The following SOX5 variants were observed in gnomAD, a reference collection of about 807,000 sequenced individuals.
The protein encoded by SOX5 is SRY-box transcription factor 5, also known as transcription factor SOX-5.
In SOX5, 9 loss-of-function variants were observed where a neutral mutation model predicts 92.0. The observed-to-expected ratio is 0.10, with a 90% CI of 0.06 to 0.17. SOX5 has a LOEUF of 0.17. SOX5 is among the 10% of genes least tolerant of loss of function. The pLI, the probability that SOX5 is intolerant of heterozygous loss-of-function variation, is 1.00. For synonymous variants in SOX5, 344 were observed against 336.3 expected (o/e 1.02, Z -0.25); for missense variants, 642 against 944.5 (o/e 0.68, Z 4.20).
chr12:23,998,409 A>G (rs1951240516), intron 4 of SOX5, among the ~76,000 whole-genome samples: 1 of 152,190 alleles, frequency 6.6e-6, no homozygotes, highest in South Asian at 2.1e-4. Context: ...AAGAAAAAAG[A>G]ATGATAAGTT....
At position 24,304,531 on chromosome 12, in the gene SOX5, GAC is replaced by G. The variant is rs1171624962; in HGVS notation, c.-173-27221_-173-27220del. 5.9e-5 allele frequency among the ~76,000 whole-genome samples: 9 copies of G among 152,290 alleles called. No homozygotes were observed. In the East Asian group the frequency reaches 1.5e-3, roughly 26 times the overall value. On this transcript the variant is annotated intron_variant, in intron 2 of 4. Transcript: ENST00000446891. ...GAGCAGTTTGGCAGCTAGGTGGTCT[GAC>G]AGAGGATTGCAGCTTTGGGATAAAA...
At chr12:23,929,288 G>A (rs1236377622) in intron 1 of SOX5, among the ~76,000 whole-genome samples, 5 of 151,910 alleles carry the variant, frequency 3.3e-5, no homozygotes, top group Admixed American at 2.0e-4. Context: ...TATATTGAAC[G>A]ATGATATAAA....
chr12:24,042,437 A>C (rs1956615316), intron 4 of SOX5, among the ~76,000 whole-genome samples: 1 of 152,168 alleles, frequency 6.6e-6, no homozygotes, highest in South Asian at 2.1e-4. Context: ...TAATGTATCA[A>C]GCGTGTTACA....
rs149848780 is a variant in SOX5 at position 23,773,935 on chromosome 12, G to A, written c.482-18211C>T. 2.6e-5 allele frequency among the ~76,000 whole-genome samples: 4 copies of A among 152,036 alleles called. No individual in the cohort carries two copies. The South Asian group carries it at 8.3e-4, about 31-fold the overall frequency. The stretch of plus-strand genomic sequence containing the variant: ...GAGGGAGAAGAAAACTTCAGAGTCA[G>A]TCAAAACCAGGTTTGAATTTTGGTT... On this transcript the variant is annotated intron_variant, in intron 3 of 14. Transcript: ENST00000451604.
At chr12:24,409,351 G>A (rs1415316158) in intron 1 of SOX5, among the ~76,000 whole-genome samples, 1 of 152,138 alleles carries the variant, frequency 6.6e-6, no homozygotes. Context: ...GGGGAGTGAG[G>A]GGAGGGAATT....
intron 6 of SOX5, among the ~76,000 whole-genome samples, chr12:23,672,477 G>A (rs2084955668): frequency 6.6e-6 from 1 of 151,904 alleles, no homozygotes; most frequent in African/African-American, 2.4e-5. Context: ...GAGTTTATAT[G>A]ATACAAACTC....
chr12:23,658,668 G>C lies in SOX5; in HGVS notation c.931+6776C>G, dbSNP rs765117193. Among the ~76,000 whole-genome samples, 4 of 152,256 alleles carry C rather than the reference G, an allele frequency of 2.6e-5. No individual in the cohort carries two copies. The East Asian group carries it at 7.7e-4, about 29-fold the overall frequency. On this transcript the variant is annotated intron_variant, in intron 7 of 14. Transcript: ENST00000451604. ...ACACTTTGGGAGGCCAAGATGGGTG[G>C]ATCACTTGAGGTAGGAGTTCGAAAC...
At chr12:23,764,606 TACTATA>T (rs1217906508) in intron 3 of SOX5, among the ~76,000 whole-genome samples, 1 of 152,072 alleles carries the variant, frequency 6.6e-6, no homozygotes, top group Admixed American at 6.6e-5. Context: ...GCAATTATCC[TACTATA>T]AAAAGTGAAT....
At position 23,970,841 on chromosome 12, in the gene SOX5, A is replaced by ATATATATATTTTTTT; in HGVS notation, c.-1-74818_-1-74817insAAAAAAATATATATA. Among the ~76,000 whole-genome samples, 13 of 21,884 alleles carry ATATATATATTTTTTT rather than the reference A, an allele frequency of 5.9e-4. 1 individual carries two copies. The highest frequency in any genetic ancestry group is 1.0e-3 in the Non-Finnish European group (10 of 9,706). 14.4% of individuals were successfully genotyped at this position (21,884 alleles called of 152,430 possible). On this transcript the variant is annotated intron_variant, in intron 4 of 4. Coordinates refer to the SOX5 transcript ENST00000446891. ...ACATGGGACTTTATATATATATATAATTTTTTTTTTTTTTTAAGAAATGGG... is the reference window on the plus strand; with the variant it reads ...ACATGGGACTTTATATATATATATAATATATATATTTTTTTTTTTTTTTTTTTTTTAAGAAATGGG...
At chr12:23,842,972 A>G (rs181277980) in intron 3 of SOX5, among the ~76,000 whole-genome samples, 3 of 152,290 alleles carry the variant, frequency 2.0e-5, no homozygotes, top group East Asian at 3.9e-4. Context: ...ACTTGAGCCA[A>G]TGATCAAGGC....
intron 4 of SOX5, among the ~76,000 whole-genome samples, chr12:24,147,042 C>CTAATCACT (rs1951164510): frequency 6.6e-6 from 1 of 152,090 alleles, no homozygotes; most frequent in Admixed American, 6.6e-5. Flanking sequence ...GGAAATTCTG[C>CTAATCACT]TAATCACTTA....
intron 4 of SOX5, among the ~76,000 whole-genome samples, chr12:24,179,262 G>T (rs1206645639): frequency 6.6e-6 from 1 of 152,154 alleles, no homozygotes; most frequent in Non-Finnish European, 1.5e-5. Flanking sequence ...ACTTTCCATG[G>T]AAAAGGTGCC....
intron 4 of SOX5, among the ~76,000 whole-genome samples, chr12:24,196,112 T>C (rs1246869510): frequency 2.0e-5 from 3 of 152,206 alleles, no homozygotes; most frequent in East Asian, 3.8e-4. Context: ...CTTGAGTTTC[T>C]GGCCTCATGT....
intron 1 of SOX5, among the ~76,000 whole-genome samples, chr12:24,374,445 C>T (rs967377663): frequency 2.0e-5 from 3 of 152,004 alleles, no homozygotes; most frequent in Non-Finnish European, 4.4e-5. Context: ...TAGTTGGTGC[C>T]CATGTGCAGG....
chr12:24,401,603 G>C (rs1961629694), intron 1 of SOX5, among the ~76,000 whole-genome samples: 1 of 150,772 alleles, frequency 6.6e-6, no homozygotes, highest in Non-Finnish European at 1.5e-5. Flanking sequence ...TCTGCTACTG[G>C]GGAGACTGAG....
chr12:24,192,516 TTATC>T (rs1438582429), intron 4 of SOX5, among the ~76,000 whole-genome samples: 1 of 152,350 alleles, frequency 6.6e-6, no homozygotes, highest in Non-Finnish European at 1.5e-5. Flanking sequence ...TTATACAATT[TTATC>T]TTTCTGTAGA....
intron 9 of SOX5, among the ~76,000 whole-genome samples, chr12:23,585,500 C>CAAAG (rs1215766285): frequency 3.3e-5 from 5 of 152,086 alleles, no homozygotes; most frequent in African/African-American, 1.2e-4. Context: ...TCATTGAAGA[C>CAAAG]AAAGGTAAAA....
intron 2 of SOX5, among the ~76,000 whole-genome samples, chr12:24,317,244 C>G (rs1303534734): frequency 6.6e-6 from 1 of 152,156 alleles, no homozygotes; most frequent in Non-Finnish European, 1.5e-5. Flanking sequence ...ATCAGAATGT[C>G]TTGCATTGGA....
intron 4 of SOX5, among the ~76,000 whole-genome samples, chr12:24,156,250 T>A (rs1952159011): frequency 6.6e-6 from 1 of 152,100 alleles, no homozygotes. Flanking sequence ...GAGGTATAAT[T>A]TATATTCCAC....
Sources: allele counts gnomAD v4.1 joint callset (sites outside exome capture counted in the v4.1 genomes callset), GRCh38; gene constraint gnomAD v4.1.1; transcripts MANE v1.5; gene names NCBI Gene and HGNC (gene_info 2026-07-23, HGNC 2026-07-21).